Variants in SFRP1 observed in about 807,000 individuals in gnomAD.
SFRP1 encodes the protein secreted frizzled-related protein 1.
A neutral mutation model predicts 25.9 loss-of-function variants in SFRP1; 9 were observed. The ratio of observed to expected loss-of-function variants is 0.35; its 90% CI spans 0.21 to 0.61. SFRP1 has a LOEUF of 0.61. Among genes scored for constraint, SFRP1 ranks in the 20% least tolerant of loss-of-function variants. The probability of loss-of-function intolerance (pLI) is 0.78; values close to 1 mark genes in which losing one functional copy is unlikely to be tolerated. For synonymous variants in SFRP1, 178 were observed against 174.0 expected (o/e 1.02, Z -0.18); for missense variants, 346 against 418.2 (o/e 0.83, Z 1.51).
intron 2 of SFRP1, among the ~76,000 whole-genome samples, chr8:41,275,937 A>G (rs1803566591): frequency 6.6e-6 from 1 of 152,126 alleles, no homozygotes; most frequent in Non-Finnish European, 1.5e-5. Flanking sequence ...GTGTAGAAAC[A>G]GGGTCTTGGC....
At chr8:41,269,111 C>G (rs1289747581) in intron 2 of SFRP1, among the ~76,000 whole-genome samples, 2 of 152,218 alleles carry the variant, frequency 1.3e-5, no homozygotes, top group Non-Finnish European at 2.9e-5. Context: ...CCAGCACTAT[C>G]CCCACCCTGT....
chr8:41,304,607 A>G (rs1199999875), intron 1 of SFRP1, among the ~76,000 whole-genome samples: 6 of 152,186 alleles, frequency 3.9e-5, no homozygotes, highest in East Asian at 3.9e-4. Context: ...GTGTGCTTGG[A>G]GCCCACTGCT....
intron 2 of SFRP1, among the ~76,000 whole-genome samples, chr8:41,269,028 G>A (rs778544332): frequency 2.6e-5 from 4 of 152,218 alleles, no homozygotes; most frequent in Admixed American, 6.5e-5. Context: ...GGCACCATCC[G>A]ACTGCAGGCC....
chr8:41,272,439 G>A (rs753811036), intron 2 of SFRP1, among the ~76,000 whole-genome samples: 2 of 152,124 alleles, frequency 1.3e-5, no homozygotes, highest in African/African-American at 4.8e-5. Flanking sequence ...GCGAAACCCC[G>A]TCTCTACTGA....
At position 41,309,078 on chromosome 8, in the gene SFRP1, CG is replaced by C; in HGVS notation, c.81del (p.Val28TrpfsTer10). ...TAGTCGTACTCGCTGGCCGAGCCCA[CG>C]GCCAGAAGCGCCGCGCCCAGCGCCA... ...VLLALGAALL[A>X]VGSASEYDYV... On this transcript the variant is annotated frameshift_variant, in exon 1 of 3. Coordinates refer to ENST00000220772, the MANE Select transcript of SFRP1 (RefSeq NM_003012.5). LOFTEE classifies it high-confidence loss of function. 1 of 1,593,630 alleles carries C rather than the reference CG, an allele frequency of 6.3e-7. No individual in the cohort carries two copies. Among genetic ancestry groups the C allele is most frequent in the Non-Finnish European group, 8.5e-7 (1 of 1,176,830 alleles).
chr8:41,276,400 C>T (rs1447796382), intron 2 of SFRP1, among the ~76,000 whole-genome samples: 5 of 152,212 alleles, frequency 3.3e-5, no homozygotes, highest in Non-Finnish European at 7.3e-5. Context: ...GGCACCATGG[C>T]GAGCTGGCTT....
chr8:41,265,427 T>C lies in SFRP1; in HGVS notation c.685A>G (p.Lys229Glu), dbSNP rs1167121153. The C allele has an allele frequency of 5.6e-6, 9 of 1,612,056 alleles. No individual in the cohort carries two copies. The highest frequency in any genetic ancestry group is 7.6e-6 in the Non-Finnish European group (9 of 1,179,684). Residue 229 changes from lysine (K) to glutamate (E), a missense_variant, in exon 3 of 3, where the codon AAG (lysine) becomes GAG (glutamate). Coordinates refer to ENST00000220772, the MANE Select transcript of SFRP1 (RefSeq NM_003012.5). ...GGCCCCAACTTCAGGGGCTTCTTCT[T>C]CTTGGGGACAATCTTCTTGTCGCCA... ...ENGDKKIVPKKKKPLKLGPIK... is the reference protein window; with the variant it reads ...ENGDKKIVPKEKKPLKLGPIK...
chr8:41,301,422 CTAAGCTCAGCCCCTACAGAGAGA>C (rs1184053045), intron 2 of SFRP1, among the ~76,000 whole-genome samples: 1 of 151,362 alleles, frequency 6.6e-6, no homozygotes, highest in African/African-American at 2.4e-5. Context: ...AAGGGCAGAG[CTAAGCTCAGCCCCTACAGAGAGA>C]GAGAAAAAAA....
chr8:41,291,445 G>A (rs1563364430), intron 2 of SFRP1, among the ~76,000 whole-genome samples: 1 of 152,156 alleles, frequency 6.6e-6, no homozygotes, highest in Admixed American at 6.5e-5. Context: ...CTCCTGGTCT[G>A]ATCTCCACTG....
intron 2 of SFRP1, among the ~76,000 whole-genome samples, chr8:41,269,549 T>C (rs1803477248): frequency 6.6e-6 from 1 of 152,214 alleles, no homozygotes; most frequent in African/African-American, 2.4e-5. Flanking sequence ...CTGGCCTTAT[T>C]TGGGAAGCTG....
At chr8:41,280,987 C>G (rs916440054) in intron 2 of SFRP1, among the ~76,000 whole-genome samples, 2 of 152,264 alleles carry the variant, frequency 1.3e-5, no homozygotes, top group Non-Finnish European at 2.9e-5. Context: ...GACCGTGCTT[C>G]TCTTCCTACT....
intron 2 of SFRP1, among the ~76,000 whole-genome samples, chr8:41,267,254 A>G (rs561154987): frequency 3.6e-4 from 55 of 152,320 alleles, no homozygotes; most frequent in African/African-American, 1.3e-3. Context: ...CTCTGTCCCA[A>G]TGGACACTGA....
At chr8:41,306,433 T>A (rs1803997411) in intron 1 of SFRP1, among the ~76,000 whole-genome samples, 2 of 152,068 alleles carry the variant, frequency 1.3e-5, no homozygotes, top group Admixed American at 1.3e-4. Context: ...GCCATAAGGT[T>A]ATGAGGATCA....
In SFRP1 at chr8:41,308,785, G is replaced by A. The variant is rs759598692; in HGVS notation, c.375C>T (p.Pro125=). The A allele has an allele frequency of 3.1e-6, 5 of 1,611,328 alleles. No homozygotes were observed. The highest frequency in any genetic ancestry group is 4.2e-6 in the Non-Finnish European group (5 of 1,179,122). The change falls in exon 1 of 3, where the codon CCC becomes CCT. Residue 125 remains proline (P), a synonymous_variant. Coordinates refer to ENST00000220772, the MANE Select transcript of SFRP1 (RefSeq NM_003012.5). ...SLFAPVCLDR[P]IYPCRWLCEA... ...CGCAGAGCCAGCGACACGGGTAGAT[G>A]GGCCGGTCCAGGCAGACGGGCGCGA...
Position 41,265,456 on chromosome 8 carries a change from T to A in SFRP1, c.656A>T (p.Glu219Val). The A allele has an allele frequency of 6.2e-7, 1 of 1,607,716 alleles. No individual in the cohort carries two copies. Among genetic ancestry groups the A allele is most frequent in the Non-Finnish European group, 8.5e-7 (1 of 1,178,614 alleles). ...GGGGACAATCTTCTTGTCGCCATTT[T>A]CTTTTTTCACTTCTTTTATTTTCAT... ...LRMKIKEVKK[E>V]NGDKKIVPKK... The change falls in exon 3 of 3, where the codon GAA becomes GTA. Residue 219 changes from glutamate (E) to valine (V), a missense_variant. Glu to Val is a moderately radical substitution (Grantham distance 121, BLOSUM62 -2). Coordinates refer to ENST00000220772, the MANE Select transcript of SFRP1 (RefSeq NM_003012.5).
At chr8:41,302,607 T>A (rs1173488992) in intron 2 of SFRP1, among the ~76,000 whole-genome samples, 1 of 152,222 alleles carries the variant, frequency 6.6e-6, no homozygotes, top group East Asian at 1.9e-4. Context: ...CCGGAGCCAC[T>A]TCTCTGCATC....
chr8:41,297,822 C>T (rs10958672), intron 2 of SFRP1, among the ~76,000 whole-genome samples: 67,863 of 151,708 alleles, frequency 0.45, 15,688 homozygotes, highest in Middle Eastern at 0.57. Context: ...GAGCTCCTTC[C>T]GTGTGCTGGG....
At chr8:41,299,662 C>CAA (rs61141419) in intron 2 of SFRP1, among the ~76,000 whole-genome samples, 16,512 of 65,932 alleles carry the variant, frequency 0.25, 1,992 homozygotes, top group Non-Finnish European at 0.3. Context: ...GACTTAGTCT[C>CAA]AAAAAAAAAA....
chr8:41,282,359 T>G lies in SFRP1; in HGVS notation c.623-16870A>C, dbSNP rs78668470. 2.0e-3 allele frequency among the ~76,000 whole-genome samples: 309 copies of G among 152,276 alleles called. 1 individual carries two copies. Among genetic ancestry groups the G allele is most frequent in the African/African-American group, 7.3e-3 (303 of 41,556 alleles). On this transcript the variant is annotated intron_variant, in intron 2 of 2. Transcript: ENST00000220772. ...AGCAAGACTCCAGCTCTACATTTTT[T>G]TTAACTAGTCGGGCTTGGTCGTGTG...
Sources: allele counts gnomAD v4.1 joint callset (sites outside exome capture counted in the v4.1 genomes callset), GRCh38; gene constraint gnomAD v4.1.1; transcripts MANE v1.5; gene names NCBI Gene and HGNC (gene_info 2026-07-23, HGNC 2026-07-21).